SOBP: variants seen among roughly 807,000 people sequenced by gnomAD.
SOBP encodes the protein sine oculis binding protein homolog, also known as sine oculis-binding protein homolog.
In SOBP, 4 loss-of-function variants were observed where a neutral mutation model predicts 53.6. The observed-to-expected ratio is 0.07, with a 90% confidence interval of 0.04 to 0.17. The LOEUF (loss-of-function observed/expected upper bound fraction) is 0.17, where lower values mean the gene tolerates loss of function less well. Among genes scored for constraint, SOBP ranks in the 10% least tolerant of loss-of-function variants. The pLI is 1.00. For synonymous variants in SOBP, 584 were observed against 522.6 expected (o/e 1.12, Z -1.60); for missense variants, 1,088 against 1,204.7 (o/e 0.90, Z 1.43).
chr6:107,615,328 A>G (rs926035513), intron 5 of SOBP, among the ~76,000 whole-genome samples: 4 of 152,200 alleles, frequency 2.6e-5, no homozygotes, highest in South Asian at 2.1e-4. Flanking sequence ...TTTAGACTGA[A>G]TATTAGTGGG....
chr6:107,543,699 C>A (rs1033930136), intron 4 of SOBP, among the ~76,000 whole-genome samples: 2 of 152,172 alleles, frequency 1.3e-5, no homozygotes, highest in Admixed American at 1.3e-4. Context: ...AGGCTGAATT[C>A]TTTACACGAT....
At chr6:107,601,116 A>T (rs978883708) in intron 5 of SOBP, among the ~76,000 whole-genome samples, 1 of 152,154 alleles carries the variant, frequency 6.6e-6, no homozygotes, top group Non-Finnish European at 1.5e-5. Context: ...GGTCTCTCCT[A>T]TGTCTAGGGA....
chr6:107,632,335 A>G (rs1770752096), intron 5 of SOBP, among the ~76,000 whole-genome samples: 1 of 150,526 alleles, frequency 6.6e-6, no homozygotes, highest in African/African-American at 2.4e-5. Context: ...CCCCCCCAAA[A>G]AAAAGGAAAA....
chr6:107,644,614 C>T (rs922944139), intron 6 of SOBP, among the ~76,000 whole-genome samples: 2 of 152,176 alleles, frequency 1.3e-5, no homozygotes, highest in Non-Finnish European at 2.9e-5. Flanking sequence ...CTGGGGCTCA[C>T]ACTCTTTTAT....
intron 3 of SOBP, among the ~76,000 whole-genome samples, chr6:107,531,254 C>T (rs945616803): frequency 1.3e-5 from 2 of 152,194 alleles, no homozygotes; most frequent in African/African-American, 2.4e-5. Context: ...GGGGTCTCCT[C>T]ATTAAACTGT....
intron 1 of SOBP, among the ~76,000 whole-genome samples, chr6:107,491,368 C>T (rs1025106665): frequency 6.6e-6 from 1 of 152,236 alleles, no homozygotes; most frequent in Non-Finnish European, 1.5e-5. Context: ...CCCCGGCCAG[C>T]CCCGCTGGAG....
At chr6:107,652,722 T>C (rs1331404844) in intron 6 of SOBP, among the ~76,000 whole-genome samples, 2 of 152,206 alleles carry the variant, frequency 1.3e-5, no homozygotes, top group Non-Finnish European at 2.9e-5. Flanking sequence ...GTTGTCTTAT[T>C]TTAAGAAATT....
At chr6:107,554,782 A>G (rs1784560054) in intron 4 of SOBP, among the ~76,000 whole-genome samples, 1 of 152,128 alleles carries the variant, frequency 6.6e-6, no homozygotes, top group Non-Finnish European at 1.5e-5. Flanking sequence ...CACCATCCCA[A>G]TAGACATAGG....
intron 4 of SOBP, chr6:107,558,034 G>A (rs1467335601): frequency 1.3e-5 from 2 of 151,976 alleles, no homozygotes; most frequent in East Asian, 1.9e-4. Flanking sequence ...GATTAATCCT[G>A]ACATGCTTCT....
intron 1 of SOBP, among the ~76,000 whole-genome samples, chr6:107,491,236 C>G (rs984926396): frequency 3.3e-5 from 5 of 152,168 alleles, no homozygotes; most frequent in Admixed American, 6.5e-5. Context: ...AGCTGCGGCC[C>G]GAGAGGCGCG....
intron 4 of SOBP, among the ~76,000 whole-genome samples, chr6:107,575,483 G>A (rs1227143607): frequency 2.6e-5 from 4 of 152,136 alleles, no homozygotes; most frequent in Non-Finnish European, 5.9e-5. Context: ...GCAACACTGG[G>A]TGGTTGAGAG....
Position 107,520,567 on chromosome 6 carries a change from C to T in SOBP, c.422-12892C>T, listed in dbSNP as rs568922206. 1.6e-3 allele frequency among the ~76,000 whole-genome samples: 242 copies of T among 152,248 alleles called. 1 individual carries two copies. The highest frequency in any genetic ancestry group is 2.9e-3 in the Non-Finnish European group (197 of 68,026). ...TTCTAAACTCTTTTTGGAGTTATGA[C>T]GTAGCTAGGATAATACTTTCAGGAT... On this transcript the variant is annotated intron_variant, in intron 3 of 6. Coordinates refer to ENST00000317357, the MANE Select transcript of SOBP (RefSeq NM_018013.4).
intron 5 of SOBP, among the ~76,000 whole-genome samples, chr6:107,591,895 C>T (rs759980552): frequency 3.4e-4 from 52 of 151,892 alleles, no homozygotes; most frequent in Non-Finnish European, 6.5e-4. Context: ...TTCCCCGCAC[C>T]CCCTCCCACT....
Position 107,634,727 on chromosome 6 carries a change from G to T in SOBP, c.1883G>T (p.Gly628Val). ...SEVVDLTRRA[G>V]SPPGPPGAGG... ...GTGGTGGACCTGACGCGGCGCGCCGGCAGCCCCCCGGGCCCCCCGGGCGCG... is the reference window on the plus strand; with the variant it reads ...GTGGTGGACCTGACGCGGCGCGCCGTCAGCCCCCCGGGCCCCCCGGGCGCG... Residue 628 changes from glycine (G) to valine (V), a missense_variant, in exon 6 of 7, where the codon GGC becomes GTC. By Grantham distance (109) the Gly-to-Val change is moderately radical (BLOSUM62 -3). Coordinates refer to ENST00000317357, the MANE Select transcript of SOBP (RefSeq NM_018013.4). This position sits in a 1 kb window ranked among gnomAD's most constrained non-coding sequence, Gnocchi z 4.5. 7.4e-7 allele frequency: 1 copy of T among 1,355,888 alleles called. No homozygotes were observed. The highest frequency in any genetic ancestry group is 9.4e-7 in the Non-Finnish European group (1 of 1,063,464). 84.0% of individuals were successfully genotyped at this position (1,355,888 alleles called of 1,614,324 possible).
At chr6:107,494,444 G>A (rs1162808078) in intron 1 of SOBP, among the ~76,000 whole-genome samples, 4 of 152,138 alleles carry the variant, frequency 2.6e-5, no homozygotes, top group Non-Finnish European at 4.4e-5. Context: ...TTGCCCTTAA[G>A]GATATATATT....
intron 5 of SOBP, among the ~76,000 whole-genome samples, chr6:107,630,139 G>C (rs1488039564): frequency 2.0e-5 from 3 of 152,180 alleles, no homozygotes. Context: ...GGTGAAATTA[G>C]GGGGAAATCA....
intron 3 of SOBP, among the ~76,000 whole-genome samples, chr6:107,518,778 C>T (rs1783399017): frequency 6.8e-6 from 1 of 147,378 alleles, no homozygotes; most frequent in African/African-American, 2.5e-5. Flanking sequence ...CAAAAAGATC[C>T]TTGTCTCAAA....
intron 5 of SOBP, among the ~76,000 whole-genome samples, chr6:107,630,722 A>G (rs1770668420): frequency 1.2e-5 from 1 of 85,072 alleles, no homozygotes; most frequent in African/African-American, 4.0e-5. Context: ...TAATAAGGCA[A>G]GGACACACAC....
At chr6:107,542,839 C>T (rs557091440) in intron 4 of SOBP, among the ~76,000 whole-genome samples, 7 of 151,776 alleles carry the variant, frequency 4.6e-5, no homozygotes, top group African/African-American at 1.2e-4. Flanking sequence ...TCTGACACAG[C>T]GATTTTCTTT....
Sources: gnomAD v4.1 joint callset for allele counts (sites outside exome capture counted in the v4.1 genomes callset) on GRCh38, gnomAD v4.1.1 for gene constraint, Gnocchi (gnomAD v3.1) non-coding constraint, MANE v1.5 for transcripts, NCBI Gene and HGNC (gene_info 2026-07-23, HGNC 2026-07-21) for gene names.